KY: variants seen among roughly 807,000 people sequenced by gnomAD.
KY encodes kyphoscoliosis peptidase.
KY carries 43 observed loss-of-function variants against 76.1 expected under a neutral mutation model. That is an observed-to-expected ratio of 0.57 (90% CI 0.44 to 0.73). The LOEUF (loss-of-function observed/expected upper bound fraction) is 0.73. Among genes scored for constraint, KY ranks in the 30% least tolerant of loss-of-function variants. KY has a pLI of 0.00. For synonymous variants in KY, 277 were observed against 326.2 expected, an observed-to-expected ratio of 0.85 and a Z score of 1.63; for missense variants, 722 against 828.9, an observed-to-expected ratio of 0.87 and a Z score of 1.58.
chr3:134,612,785 G>GTGTGTGTT (rs1488003897), intron 8 of KY, among the ~76,000 whole-genome samples: 6 of 151,412 alleles, frequency 4.0e-5, no homozygotes, highest in Non-Finnish European at 8.8e-5. Context: ...GTGTGTGTGT[G>GTGTGTGTT]TGTGTGTGTG....
rs1577561585 is a variant in KY at position 134,603,020 on chromosome 3, T to C, written c.*559A>G. The C allele has an allele frequency of 6.6e-6, 1 of 152,218 alleles. No homozygotes were observed. The highest frequency in any genetic ancestry group is 1.5e-5 in the Non-Finnish European group (1 of 68,054). The allele number at this position is 152,218 out of a possible 1,614,324, so 9.4% of individuals were successfully genotyped here. A position where few individuals can be genotyped will look rare whatever the true frequency, so the allele number is the denominator to read the frequency against. ...CTCTTGAAGAACAAGAAGTAGCTAA[T>C]GAAGAGGCAGCAGGATGCAGAAGAT... On this transcript the variant is annotated 3_prime_UTR_variant, in exon 11 of 11. Coordinates refer to ENST00000423778, the MANE Select transcript of KY (RefSeq NM_178554.6).
chr3:134,635,613 C>T (rs994246929), intron 3 of KY, among the ~76,000 whole-genome samples: 9 of 151,802 alleles, frequency 5.9e-5, no homozygotes, highest in Admixed American at 2.0e-4. Context: ...CTGTATATTC[C>T]GATGGTGGTG....
chr3:134,630,497 T>C (rs1326557100), intron 3 of KY, among the ~76,000 whole-genome samples: 1 of 152,210 alleles, frequency 6.6e-6, no homozygotes, highest in Non-Finnish European at 1.5e-5. Flanking sequence ...TCCAGCTTTT[T>C]GGGTAGAGGA....
chr3:134,640,039 A>G (rs1431563107), intron 3 of KY: 1 of 154,014 alleles, frequency 6.5e-6, no homozygotes, highest in African/African-American at 2.5e-5. Context: ...CATTCAACCC[A>G]CACACCCACT....
rs1328933432 is a variant in KY at position 134,601,619 on chromosome 3, T to C, written c.*1960A>G. On this transcript the variant is annotated 3_prime_UTR_variant, in exon 11 of 11. Transcript: ENST00000423778. ...ATGCCTCCGGGGCCTTTGTGCATTTTTCAGGTGTGAGTGACACGAGGCTGG... is the reference window on the plus strand; with the variant it reads ...ATGCCTCCGGGGCCTTTGTGCATTTCTCAGGTGTGAGTGACACGAGGCTGG... Among the ~76,000 whole-genome samples, 2 of 152,230 alleles carry C rather than the reference T, an allele frequency of 1.3e-5. No homozygotes were observed. The highest frequency in any genetic ancestry group is 2.9e-5 in the Non-Finnish European group (2 of 68,036).
chr3:134,648,073 G>A (rs918633965), intron 1 of KY, among the ~76,000 whole-genome samples: 9 of 152,226 alleles, frequency 5.9e-5, no homozygotes, highest in Admixed American at 2.6e-4. Context: ...GAAAGCTCTC[G>A]CTCTGGCTGC....
At chr3:134,645,904 G>A (rs1041848463) in intron 2 of KY, among the ~76,000 whole-genome samples, 3 of 152,114 alleles carry the variant, frequency 2.0e-5, no homozygotes, top group African/African-American at 7.2e-5. Flanking sequence ...TCAGAAACCC[G>A]GAAGATGGTA....
intron 3 of KY, among the ~76,000 whole-genome samples, chr3:134,630,727 G>A (rs1964099531): frequency 1.3e-5 from 2 of 152,220 alleles, no homozygotes; most frequent in South Asian, 2.1e-4. Context: ...GCATTGCAAA[G>A]GCTACAGTTC....
Position 134,629,690 on chromosome 3 carries a change from G to T in KY, c.268C>A (p.Gln90Lys), listed in dbSNP as rs372189307. Reference protein sequence around the residue: ...VITSYNSQGTQLTVEVHPRDA... With the variant: ...VITSYNSQGTKLTVEVHPRDA... ...CGAGGGTGGACTTCCACAGTCAGTTGTGTCCCTACAAAGGAAAAGGAGATG... is the reference window on the plus strand; with the variant it reads ...CGAGGGTGGACTTCCACAGTCAGTTTTGTCCCTACAAAGGAAAAGGAGATG... Residue 90 changes from glutamine to lysine, a missense_variant, in exon 4 of 11, where the codon CAA becomes AAA. Gln to Lys is a moderately conservative substitution (Grantham distance 53). Around this residue, in one of 2 missense-constraint regions of KY, gnomAD observed 170 missense variants for 148.1 expected, o/e 1.15. Transcript: ENST00000423778. 80 of 1,588,282 alleles carry T rather than the reference G, an allele frequency of 5.0e-5. No individual in the cohort carries two copies. Among genetic ancestry groups the T allele is most frequent in the Non-Finnish European group, 6.5e-5 (76 of 1,166,734 alleles).
chr3:134,648,565 T>C (rs771603351), intron 1 of KY, among the ~76,000 whole-genome samples: 84 of 152,188 alleles, frequency 5.5e-4, no homozygotes, highest in Non-Finnish European at 4.6e-4. Flanking sequence ...CAGGCACGTT[T>C]TGGAGAAGCA....
chr3:134,608,930 G>T (rs1181497459), intron 9 of KY, 91 bp from the exon 10 acceptor site: 38 of 1,433,502 alleles, frequency 2.7e-5, no homozygotes, highest in Non-Finnish European at 3.2e-5. Context: ...TGGACACCCT[G>T]GATGGGAAGA....
chr3:134,606,776 A>G (rs578133874), intron 10 of KY, among the ~76,000 whole-genome samples: 1 of 152,024 alleles, frequency 6.6e-6, no homozygotes, highest in East Asian at 1.9e-4. Flanking sequence ...CCACCCCTGC[A>G]GACCTCTATG....
At chr3:134,647,573 G>T in intron 1 of KY, 76 bp from the exon 2 acceptor site, 1 of 843,414 alleles carries the variant, frequency 1.2e-6, no homozygotes, top group Non-Finnish European at 2.0e-6. Context: ...ACTTATCTAG[G>T]TTATGGTAGA....
intron 8 of KY, among the ~76,000 whole-genome samples, chr3:134,617,335 C>G (rs76109744): frequency 6.6e-6 from 1 of 152,194 alleles, no homozygotes; most frequent in Non-Finnish European, 1.5e-5. Flanking sequence ...ATTCCACATT[C>G]CATTCCACAT....
At chr3:134,647,130 C>T (rs1337496502) in intron 2 of KY, among the ~76,000 whole-genome samples, 1 of 152,214 alleles carries the variant, frequency 6.6e-6, no homozygotes, top group Non-Finnish European at 1.5e-5. Flanking sequence ...CATAGGAGCA[C>T]ACTCAAACCT....
In KY at chr3:134,602,738, A is replaced by C. The variant is rs138552754; in HGVS notation, c.*841T>G. Among the ~76,000 whole-genome samples the C allele has an allele frequency of 3.1e-3, 470 of 152,254 alleles. 4 individuals are homozygous for C. Among genetic ancestry groups the C allele is most frequent in the Middle Eastern group, 0.024 (7 of 294 alleles). On this transcript the variant is annotated 3_prime_UTR_variant, in exon 11 of 11. Coordinates refer to ENST00000423778, the MANE Select transcript of KY (RefSeq NM_178554.6). Reference sequence around the variant, plus strand: ...GGGCCTGGAGGGCACTCCAGGCCTTAGACTGAACTACCTGCCCTGTGTACT... The same window carrying C: ...GGGCCTGGAGGGCACTCCAGGCCTTCGACTGAACTACCTGCCCTGTGTACT...
At position 134,625,075 on chromosome 3, in the gene KY, T is replaced by G; in HGVS notation, c.461A>C (p.Lys154Thr). The G allele has an allele frequency of 6.2e-7, 1 of 1,600,834 alleles. No individual in the cohort carries two copies. Among genetic ancestry groups the G allele is most frequent in the Non-Finnish European group, 8.5e-7 (1 of 1,173,622 alleles). The change falls in exon 6 of 11, where the codon AAA becomes ACA. Residue 154 changes from lysine to threonine, a missense_variant. Around this residue, in one of 2 missense-constraint regions of KY, gnomAD observed 552 missense variants for 680.9 expected, o/e 0.81. Coordinates refer to ENST00000423778, the MANE Select transcript of KY (RefSeq NM_178554.6). ...TACCTGTGAGGCGTAGATATCCAATTTCTCAAACTGCTGCAGGTCCAGGGA... is the reference window on the plus strand; with the variant it reads ...TACCTGTGAGGCGTAGATATCCAATGTCTCAAACTGCTGCAGGTCCAGGGA... ...SMSLDLQQFE[K>T]LDIYASQVTA...
At chr3:134,632,911 C>G (rs919989188) in intron 3 of KY, among the ~76,000 whole-genome samples, 1 of 151,824 alleles carries the variant, frequency 6.6e-6, no homozygotes, top group African/African-American at 2.4e-5. Flanking sequence ...ACACCAATAT[C>G]AGGAATGAAA....
chr3:134,629,886 T>A (rs1963992952), intron 3 of KY, among the ~76,000 whole-genome samples, 191 bp from the exon 4 acceptor site: 1 of 152,208 alleles, frequency 6.6e-6, no homozygotes. Flanking sequence ...TCAGGCAAGA[T>A]GGAGTAAAGC....
Sources: gnomAD v4.1 joint callset for allele counts (sites outside exome capture counted in the v4.1 genomes callset) on GRCh38, gnomAD v4.1.1 for gene constraint, gnomAD v4.1.1 regional missense constraint, MANE v1.5 for transcripts, NCBI Gene and HGNC (gene_info 2026-07-23, HGNC 2026-07-21) for gene names.